GABRB1: variants seen among roughly 807,000 people sequenced by gnomAD.
GABRB1 encodes the protein gamma-aminobutyric acid type A receptor subunit beta1.
GABRB1 carries 17 observed loss-of-function variants against 51.6 expected under a neutral mutation model. The observed-to-expected ratio is 0.33, with a 90% confidence interval of 0.23 to 0.49. The LOEUF is 0.49. GABRB1 is among the 20% of genes least tolerant of loss of function. GABRB1 has a pLI of 0.99. For missense variants in GABRB1, 410 were observed against 600.6 expected, an observed-to-expected ratio of 0.68 and a Z score of 3.32; for synonymous variants, 247 against 218.9, an observed-to-expected ratio of 1.13 and a Z score of -1.14.
At chr4:47,251,169 C>T (rs73247687) in intron 4 of GABRB1, among the ~76,000 whole-genome samples, 221 of 152,264 alleles carry the variant, frequency 1.5e-3, no homozygotes, top group Middle Eastern at 3.4e-3. Context: ...CCCCCTTTTC[C>T]TATGGATGTG....
At chr4:47,331,510 T>G (rs1292054414) in intron 5 of GABRB1, among the ~76,000 whole-genome samples, 1 of 152,066 alleles carries the variant, frequency 6.6e-6, no homozygotes, top group African/African-American at 2.4e-5. Context: ...TATCTCAGAT[T>G]TACAGATTTA....
At chr4:47,089,373 G>A (rs1007126079) in intron 3 of GABRB1, among the ~76,000 whole-genome samples, 3 of 152,152 alleles carry the variant, frequency 2.0e-5, no homozygotes, top group African/African-American at 7.2e-5. Context: ...ATGTATTCTA[G>A]TCCAGCTCTG....
intron 4 of GABRB1, among the ~76,000 whole-genome samples, chr4:47,209,232 A>G (rs1720256630): frequency 6.6e-6 from 1 of 152,142 alleles, no homozygotes; most frequent in Non-Finnish European, 1.5e-5. Flanking sequence ...TTCAGATCAC[A>G]GACAGGGCTG....
At chr4:47,037,356 C>G (rs1234574524) in intron 3 of GABRB1, among the ~76,000 whole-genome samples, 1 of 152,138 alleles carries the variant, frequency 6.6e-6, no homozygotes, top group Admixed American at 6.5e-5. Context: ...GTGAGTACCA[C>G]TTAAAAGCAG....
chr4:47,121,726 T>C (rs762472830), intron 3 of GABRB1, among the ~76,000 whole-genome samples: 4 of 152,204 alleles, frequency 2.6e-5, no homozygotes, highest in Non-Finnish European at 5.9e-5. Context: ...TGCAAACTAA[T>C]TTTTGTTAAG....
chr4:47,424,719 A>G (rs778274972), intron 8 of GABRB1, among the ~76,000 whole-genome samples: 11 of 152,216 alleles, frequency 7.2e-5, no homozygotes, highest in African/African-American at 1.2e-4. Flanking sequence ...TCATTTTCAC[A>G]TATGAGCCAT....
chr4:47,066,766 C>A (rs1022882955), intron 3 of GABRB1, among the ~76,000 whole-genome samples: 16 of 152,176 alleles, frequency 1.1e-4, no homozygotes, highest in Non-Finnish European at 1.3e-4. Flanking sequence ...CCCTCAAAAT[C>A]ATCCATGAGG....
intron 3 of GABRB1, among the ~76,000 whole-genome samples, chr4:47,098,183 C>CACACACACAT (rs1714543771): frequency 7.9e-6 from 1 of 127,058 alleles, no homozygotes; most frequent in African/African-American, 2.8e-5. Context: ...CACACACACA[C>CACACACACAT]ACACACATGT....
chr4:47,342,466 A>G (rs1233980852), intron 5 of GABRB1, among the ~76,000 whole-genome samples: 1 of 152,224 alleles, frequency 6.6e-6, no homozygotes. Context: ...AAAACTATGG[A>G]TAGAAAAATA....
intron 3 of GABRB1, among the ~76,000 whole-genome samples, chr4:47,076,511 A>G (rs1011405852): frequency 4.0e-5 from 6 of 151,510 alleles, no homozygotes; most frequent in South Asian, 2.1e-4. Flanking sequence ...GCACAGGAAA[A>G]CTCATCCCAA....
At chr4:47,258,238 G>A (rs1370697693) in intron 4 of GABRB1, among the ~76,000 whole-genome samples, 1 of 152,054 alleles carries the variant, frequency 6.6e-6, no homozygotes, top group Non-Finnish European at 1.5e-5. Flanking sequence ...ACAGATGGAT[G>A]TTCAACTTTC....
chr4:47,388,375 T>C (rs1727873347), intron 5 of GABRB1, among the ~76,000 whole-genome samples: 1 of 152,134 alleles, frequency 6.6e-6, no homozygotes, highest in Non-Finnish European at 1.5e-5. Flanking sequence ...GGAATTTACA[T>C]ATTGTCCAAA....
intron 4 of GABRB1, among the ~76,000 whole-genome samples, chr4:47,285,905 C>T (rs1468912092): frequency 6.6e-6 from 1 of 152,178 alleles, no homozygotes; most frequent in Non-Finnish European, 1.5e-5. Context: ...TGAGGTTCAA[C>T]TGCTAGGGAA....
At chr4:47,091,864 C>T (rs1728309193) in intron 3 of GABRB1, among the ~76,000 whole-genome samples, 1 of 152,182 alleles carries the variant, frequency 6.6e-6, no homozygotes, top group Non-Finnish European at 1.5e-5. Flanking sequence ...CCACCAGCTA[C>T]CTCCCGCTGT....
chr4:47,018,095 C>T (rs1219369437), intron 1 of GABRB1, among the ~76,000 whole-genome samples: 2 of 150,808 alleles, frequency 1.3e-5, no homozygotes, highest in African/African-American at 2.4e-5. Context: ...CTCCCTCTTC[C>T]TCCTCTGCCT....
intron 3 of GABRB1, among the ~76,000 whole-genome samples, chr4:47,122,924 G>C (rs1715844596): frequency 6.6e-6 from 1 of 152,148 alleles, no homozygotes; most frequent in Non-Finnish European, 1.5e-5. Flanking sequence ...ATGACTGGTA[G>C]AATACTAGCC....
intron 4 of GABRB1, among the ~76,000 whole-genome samples, chr4:47,253,618 T>A (rs1722074617): frequency 6.6e-6 from 1 of 152,210 alleles, no homozygotes. Flanking sequence ...CACCACCCAC[T>A]TTCTTTTATT....
intron 3 of GABRB1, among the ~76,000 whole-genome samples, chr4:47,146,603 G>A (rs750673660): frequency 6.6e-6 from 1 of 151,924 alleles, no homozygotes; most frequent in Admixed American, 6.6e-5. Flanking sequence ...AATAATCTCC[G>A]TGGAGGCATC....
chr4:47,240,979 G>GA (rs1364455434), intron 4 of GABRB1, among the ~76,000 whole-genome samples: 1 of 151,992 alleles, frequency 6.6e-6, no homozygotes, highest in East Asian at 1.9e-4. Flanking sequence ...TATGTGACCA[G>GA]AAAAAGCCAC....
Sources: gnomAD v4.1 joint callset for allele counts (sites outside exome capture counted in the v4.1 genomes callset) on GRCh38, gnomAD v4.1.1 for gene constraint, MANE v1.5 for transcripts, NCBI Gene and HGNC (gene_info 2026-07-23, HGNC 2026-07-21) for gene names.